FAT3: variants seen among roughly 807,000 people sequenced by gnomAD.
FAT3 encodes the protein FAT atypical cadherin 3, also known as protocadherin Fat 3.
In FAT3, 95 loss-of-function variants were observed where a neutral mutation model predicts 310.2. The ratio of observed to expected loss-of-function variants is 0.31; its 90% CI spans 0.26 to 0.36. FAT3 has a LOEUF of 0.36. Ranked by LOEUF, FAT3 falls within the 10% of genes least tolerant of loss-of-function variation. FAT3 has a pLI of 1.00. For synonymous variants in FAT3, 2,314 were observed against 2,192.9 expected, an observed-to-expected ratio of 1.06 and a Z score of -1.54; for missense variants, 5,408 against 5,715.6, an observed-to-expected ratio of 0.95 and a Z score of 1.74.
chr11:92,265,151 G>A (rs1945900729), intron 1 of FAT3, among the ~76,000 whole-genome samples: 1 of 152,014 alleles, frequency 6.6e-6, no homozygotes. Context: ...GACCACTGAA[G>A]AGTCAGCTGT....
At chr11:92,344,185 A>G (rs1361115873) in intron 1 of FAT3, among the ~76,000 whole-genome samples, 5 of 152,178 alleles carry the variant, frequency 3.3e-5, no homozygotes, top group Admixed American at 1.3e-4. Context: ...TCACTTCCCA[A>G]TGTCTCACTT....
chr11:92,721,452 C>T (rs1329953591), intron 4 of FAT3, among the ~76,000 whole-genome samples: 1 of 152,122 alleles, frequency 6.6e-6, no homozygotes, highest in East Asian at 1.9e-4. Context: ...TTTTAAACAG[C>T]TCTGTCCTGG....
chr11:92,672,429 TA>T (rs1168126720), intron 3 of FAT3, among the ~76,000 whole-genome samples: 1 of 152,160 alleles, frequency 6.6e-6, no homozygotes, highest in African/African-American at 2.4e-5. Flanking sequence ...AATGTTGAAG[TA>T]AATATTGCTG....
At chr11:92,658,588 G>A (rs1158509553) in intron 3 of FAT3, among the ~76,000 whole-genome samples, 1 of 152,176 alleles carries the variant, frequency 6.6e-6, no homozygotes, top group Admixed American at 6.5e-5. Context: ...TCAGAATCCA[G>A]CCCCAGCGAT....
chr11:92,774,971 T>C (rs1946561474), intron 7 of FAT3, among the ~76,000 whole-genome samples: 1 of 152,178 alleles, frequency 6.6e-6, no homozygotes, highest in African/African-American at 2.4e-5. Flanking sequence ...CTGTACTAAA[T>C]ATGAGAAGAT....
At chr11:92,762,203 A>G (rs774130438) in intron 5 of FAT3, 33 bp downstream of exon 5, 39 of 1,570,864 alleles carry the variant, frequency 2.5e-5, no homozygotes, top group Non-Finnish European at 3.2e-5. Flanking sequence ...AGCACAGCAG[A>G]TGGGGGGAAG....
At chr11:92,815,737 A>C (rs1182191701) in intron 13 of FAT3, among the ~76,000 whole-genome samples, 1 of 152,204 alleles carries the variant, frequency 6.6e-6, no homozygotes, top group East Asian at 1.9e-4. Context: ...GCATGAGCAG[A>C]AGTAGCATAG....
intron 3 of FAT3, among the ~76,000 whole-genome samples, chr11:92,655,477 G>C (rs1213383329): frequency 6.6e-6 from 1 of 152,172 alleles, no homozygotes; most frequent in Non-Finnish European, 1.5e-5. Context: ...AATTGGTTTT[G>C]TTGGCAGGAC....
At chr11:92,789,001 T>C (rs1946969989) in intron 7 of FAT3, among the ~76,000 whole-genome samples, 1 of 152,170 alleles carries the variant, frequency 6.6e-6, no homozygotes, top group African/African-American at 2.4e-5. Flanking sequence ...AGATTATGAA[T>C]ATATATATGT....
intron 2 of FAT3, among the ~76,000 whole-genome samples, chr11:92,380,793 C>T (rs1371455639): frequency 6.6e-6 from 1 of 152,216 alleles, no homozygotes; most frequent in African/African-American, 2.4e-5. Context: ...GTTAACTTCT[C>T]TATGTGAGTG....
At chr11:92,871,365 C>A (rs1416476877) in intron 22 of FAT3, among the ~76,000 whole-genome samples, 1 of 152,140 alleles carries the variant, frequency 6.6e-6, no homozygotes, top group African/African-American at 2.4e-5. Flanking sequence ...GCATTGGCAT[C>A]ACTGGGAATG....
intron 2 of FAT3, among the ~76,000 whole-genome samples, chr11:92,487,454 G>C (rs975725101): frequency 6.6e-6 from 1 of 152,100 alleles, no homozygotes; most frequent in Non-Finnish European, 1.5e-5. Context: ...TCATTTTACG[G>C]AAAGAACTGA....
At chr11:92,618,610 C>T (rs1344816446) in intron 3 of FAT3, among the ~76,000 whole-genome samples, 2 of 152,112 alleles carry the variant, frequency 1.3e-5, no homozygotes, top group Non-Finnish European at 2.9e-5. Flanking sequence ...TCTTGGAACC[C>T]CCTCTGGAAT....
At chr11:92,435,468 A>ATCCT (rs371109407) in intron 2 of FAT3, among the ~76,000 whole-genome samples, 21,115 of 107,786 alleles carry the variant, frequency 0.2, 2,428 homozygotes, top group Non-Finnish European at 0.23. Flanking sequence ...TCTTTTATTT[A>ATCCT]TCCTTCCTTC....
intron 2 of FAT3, among the ~76,000 whole-genome samples, chr11:92,431,159 C>G (rs1266199357): frequency 6.6e-6 from 1 of 152,164 alleles, no homozygotes; most frequent in African/African-American, 2.4e-5. Context: ...TCTCCACATC[C>G]TCTCCAGCAC....
chr11:92,393,365 A>C (rs1198433292), intron 2 of FAT3, among the ~76,000 whole-genome samples: 1 of 152,114 alleles, frequency 6.6e-6, no homozygotes, highest in African/African-American at 2.4e-5. Context: ...ATGTGGCATC[A>C]AAGCAGCAGC....
chr11:92,600,904 G>A (rs519175), intron 3 of FAT3, among the ~76,000 whole-genome samples: 66,909 of 151,856 alleles, frequency 0.44, 15,194 homozygotes, highest in Non-Finnish European at 0.48. Flanking sequence ...ATTGAATGGT[G>A]AGAAGGATCT....
intron 2 of FAT3, among the ~76,000 whole-genome samples, chr11:92,508,017 C>T (rs1370601573): frequency 6.6e-6 from 1 of 152,084 alleles, no homozygotes; most frequent in African/African-American, 2.4e-5. Context: ...CTGTAGGGCA[C>T]TTTTCCCATC....
At chr11:92,358,566 T>A (rs1565256032) in intron 2 of FAT3, among the ~76,000 whole-genome samples, 1 of 152,186 alleles carries the variant, frequency 6.6e-6, no homozygotes, top group Non-Finnish European at 1.5e-5. Flanking sequence ...AGATTTTTTT[T>A]AAGAAGACTA....
Sources: allele counts gnomAD v4.1 joint callset (sites outside exome capture counted in the v4.1 genomes callset), GRCh38; gene constraint gnomAD v4.1.1; transcripts MANE v1.5; gene names NCBI Gene and HGNC (gene_info 2026-07-23, HGNC 2026-07-21).